The following SYTL5 variants were observed in gnomAD, a reference collection of about 807,000 sequenced individuals.
SYTL5 encodes synaptotagmin like 5, also known as synaptotagmin-like protein 5.
A neutral mutation model predicts 55.9 loss-of-function variants in SYTL5; 34 were observed. That is an observed-to-expected ratio of 0.61 (90% CI 0.46 to 0.81). The LOEUF (loss-of-function observed/expected upper bound fraction) is 0.81. Ranked by LOEUF, SYTL5 falls within the 30% of genes least tolerant of loss-of-function variation. The pLI is 0.00. For synonymous variants in SYTL5, 221 were observed against 188.7 expected, an observed-to-expected ratio of 1.17 and a Z score of -1.40; for missense variants, 637 against 546.7, an observed-to-expected ratio of 1.17 and a Z score of -1.65.
the SYTL5 span, among the ~76,000 whole-genome samples, chrX:37,932,212 A>T: frequency 3.6e-5 from 4 of 111,930 alleles, no homozygotes; most frequent in African/African-American, 1.3e-4. Flanking sequence ...GGCATGGAGC[A>T]GTAAACAGCT....
chrX:38,034,333 A>C (rs1004752962), intron 2 of SYTL5, among the ~76,000 whole-genome samples: 1 of 112,519 alleles, frequency 8.9e-6, no homozygotes, highest in Non-Finnish European at 1.9e-5. Context: ...TGAGCAAGCT[A>C]CTCAACTTCC....
chrX:37,900,954 G>A, the SYTL5 span, among the ~76,000 whole-genome samples: 3 of 111,663 alleles, frequency 2.7e-5, no homozygotes, highest in African/African-American at 9.8e-5. Flanking sequence ...TGATCTATCA[G>A]GGTTTGCAAG....
intron 2 of SYTL5, among the ~76,000 whole-genome samples, chrX:38,043,182 A>T (rs748108679): frequency 4.1e-4 from 46 of 111,578 alleles, no homozygotes; most frequent in African/African-American, 1.4e-3. Flanking sequence ...AATGTCTGCA[A>T]CTTTTAAAAT....
chrX:37,981,205 T>C, the SYTL5 span, among the ~76,000 whole-genome samples: 1 of 112,512 alleles, frequency 8.9e-6, no homozygotes, highest in South Asian at 3.7e-4. Context: ...GATTGCTAAA[T>C]TAATCAGAGA....
chrX:38,013,933 C>T (rs763925606), intron 1 of SYTL5, among the ~76,000 whole-genome samples: 1 of 111,302 alleles, frequency 9.0e-6, no homozygotes, highest in African/African-American at 3.3e-5. Context: ...GCTTAGCTCC[C>T]CCATTCCTGC....
the SYTL5 span, among the ~76,000 whole-genome samples, chrX:37,902,092 A>G: frequency 1.8e-5 from 2 of 112,325 alleles, no homozygotes; most frequent in Non-Finnish European, 3.8e-5. Context: ...GCATGAAAGG[A>G]AAAATCCCTC....
intron 13 of SYTL5, among the ~76,000 whole-genome samples, chrX:38,111,473 C>T (rs189026083): frequency 1.2e-3 from 138 of 112,086 alleles, no homozygotes; most frequent in African/African-American, 4.3e-3. Flanking sequence ...GAAACTCCAG[C>T]TAATACTGCT....
intron 1 of SYTL5, among the ~76,000 whole-genome samples, chrX:38,019,516 C>G (rs775075963): frequency 8.9e-6 from 1 of 112,168 alleles, no homozygotes; most frequent in African/African-American, 3.2e-5. Flanking sequence ...TATGTTTATG[C>G]TTGTCTCCAC....
At chrX:37,973,770 G>T in the SYTL5 span, among the ~76,000 whole-genome samples, 1 of 110,456 alleles carries the variant, frequency 9.1e-6, no homozygotes, top group Non-Finnish European at 1.9e-5. Context: ...GAGTAGCTGG[G>T]ATTACAGGCA....
At chrX:38,066,731 T>A (rs1486924160) in intron 3 of SYTL5, among the ~76,000 whole-genome samples, 1 of 111,691 alleles carries the variant, frequency 9.0e-6, no homozygotes, top group African/African-American at 3.3e-5. Flanking sequence ...TCTACAGGTT[T>A]TCACCCTTCC....
chrX:38,108,671 C>G lies in SYTL5; in HGVS notation c.1406C>G (p.Thr469Ser). 2 of 1,199,267 alleles carry G rather than the reference C, an allele frequency of 1.7e-6. No individual in the cohort carries two copies. The highest frequency in any genetic ancestry group is 2.3e-6 in the Non-Finnish European group (2 of 887,498). Residue 469 changes from threonine (T) to serine (S), a missense_variant, in exon 12 of 17, where the codon ACC (threonine) becomes AGC (serine). Physicochemically the swap from Thr to Ser is moderately conservative, Grantham distance 58. Transcript: ENST00000297875. ...CGTAAGACCAAAATCAGAACAGGCACCAATCCAGAATTCAATGAAACACTA... is the reference window on the plus strand; with the variant it reads ...CGTAAGACCAAAATCAGAACAGGCAGCAATCCAGAATTCAATGAAACACTA... ...NKRKTKIRTG[T>S]NPEFNETLKY...
At chrX:37,983,402 T>C in the SYTL5 span, among the ~76,000 whole-genome samples, 12 of 111,926 alleles carry the variant, frequency 1.1e-4, no homozygotes, top group African/African-American at 3.9e-4. Context: ...ATAGAAAACA[T>C]ATATTAAAAT....
chrX:38,108,552 G>A, intron 11 of SYTL5, 48 bp from the exon 12 acceptor site: 1 of 958,237 alleles, frequency 1.0e-6, no homozygotes, highest in Non-Finnish European at 1.5e-6. Context: ...AACATTTCTT[G>A]CAAATAGATG....
the SYTL5 span, among the ~76,000 whole-genome samples, chrX:37,958,164 G>A: frequency 9.2e-6 from 1 of 108,654 alleles, no homozygotes; most frequent in Non-Finnish European, 1.9e-5. Context: ...AGCTGAGATC[G>A]TGCCACTGCA....
chrX:37,950,522 G>T, the SYTL5 span, among the ~76,000 whole-genome samples: 1 of 111,155 alleles, frequency 9.0e-6, no homozygotes, highest in African/African-American at 3.3e-5. Flanking sequence ...CCGAAGGTTT[G>T]ATATATGCTT....
rs1602398655 is a variant in SYTL5, at chrX:38,102,904, T to C, written c.1155+470T>C. 4 of 488,573 alleles carry C rather than the reference T, an allele frequency of 8.2e-6. No individual in the cohort carries two copies. The East Asian group carries it at 1.1e-4, about 14-fold the overall frequency. The allele number at this position is 488,573 out of a possible 1,213,427, so 40.3% of individuals were successfully genotyped here. On this transcript the variant is annotated intron_variant, in intron 10 of 16. Transcript: ENST00000297875. ...CTTTCTTACTTTAGTGTTCAAGGCC[T>C]TTTTTGAGAGGAAGGCCCTGTGTCC... is the stretch of plus-strand genomic sequence containing the variant.
chrX:37,902,091 G>GA, the SYTL5 span, among the ~76,000 whole-genome samples: 1 of 112,108 alleles, frequency 8.9e-6, no homozygotes, highest in African/African-American at 3.2e-5. Flanking sequence ...AGCATGAAAG[G>GA]AAAAATCCCT....
the SYTL5 span, among the ~76,000 whole-genome samples, chrX:37,995,237 A>C: frequency 1.2e-4 from 13 of 111,275 alleles, no homozygotes; most frequent in Admixed American, 1.2e-3. Context: ...GCAGACTCTG[A>C]CTGAGGTGCA....
the SYTL5 span, among the ~76,000 whole-genome samples, chrX:37,966,030 A>T: frequency 8.9e-6 from 1 of 111,954 alleles, no homozygotes; most frequent in Non-Finnish European, 1.9e-5. Context: ...GTATAGTTGG[A>T]TCTTATTTTT....
Sources: gnomAD v4.1 joint callset for allele counts (sites outside exome capture counted in the v4.1 genomes callset) on GRCh38, gnomAD v4.1.1 for gene constraint, MANE v1.5 for transcripts, NCBI Gene and HGNC (gene_info 2026-07-23, HGNC 2026-07-21) for gene names.